Variants in SLX4IP observed in about 807,000 individuals in gnomAD.
The protein encoded by SLX4IP is SLX4 interacting protein.
In SLX4IP, 34 loss-of-function variants were observed where a neutral mutation model predicts 32.9. The observed-to-expected ratio is 1.03, with a 90% CI of 0.79 to 1.38. The LOEUF is 1.38. Ranked by LOEUF, SLX4IP falls within the 40% of genes most tolerant of loss-of-function variation. The pLI is 0.00. For synonymous variants in SLX4IP, 172 were observed against 171.7 expected, an observed-to-expected ratio of 1.00 and a Z score of -0.01; for missense variants, 444 against 479.0, an observed-to-expected ratio of 0.93 and a Z score of 0.68.
chr20:10,472,841 A>G (rs1018117479), intron 2 of SLX4IP, among the ~76,000 whole-genome samples: 41 of 152,180 alleles, frequency 2.7e-4, no homozygotes, highest in Admixed American at 1.6e-3. Context: ...AAAGCCAACA[A>G]TAGTTAAAGA....
intron 2 of SLX4IP, among the ~76,000 whole-genome samples, chr20:10,475,524 C>T (rs140413849): frequency 6.6e-5 from 10 of 152,278 alleles, no homozygotes; most frequent in Admixed American, 2.6e-4. Flanking sequence ...CTTCAGGTTG[C>T]CCATGGCCCT....
intron 2 of SLX4IP, among the ~76,000 whole-genome samples, chr20:10,553,319 CT>C (rs35112296): frequency 0.11 from 16,960 of 152,162 alleles, 1,103 homozygotes; most frequent in South Asian, 0.27. Flanking sequence ...GACCCAATGC[CT>C]TAATAAACAA....
intron 2 of SLX4IP, among the ~76,000 whole-genome samples, chr20:10,540,279 C>T (rs563219876): frequency 4.0e-5 from 6 of 151,852 alleles, no homozygotes; most frequent in South Asian, 4.2e-4. Flanking sequence ...TTTAACAAGC[C>T]GTCCTGGTGA....
At chr20:10,555,774 G>A (rs557038466) in intron 2 of SLX4IP, among the ~76,000 whole-genome samples, 24 of 152,126 alleles carry the variant, frequency 1.6e-4, no homozygotes, top group African/African-American at 5.3e-4. Flanking sequence ...AAAGTGTACC[G>A]TCCTAGCCAA....
chr20:10,565,640 G>A (rs1184365864), intron 4 of SLX4IP, among the ~76,000 whole-genome samples: 1 of 152,186 alleles, frequency 6.6e-6, no homozygotes, highest in Admixed American at 6.5e-5. Context: ...TATAAAATGT[G>A]GAAAGTCATC....
intron 2 of SLX4IP, among the ~76,000 whole-genome samples, chr20:10,523,022 C>G (rs189557427): frequency 6.6e-6 from 1 of 152,114 alleles, no homozygotes; most frequent in Non-Finnish European, 1.5e-5. Flanking sequence ...CTAAGTCTCC[C>G]GGCCCACTAT....
intron 2 of SLX4IP, among the ~76,000 whole-genome samples, chr20:10,492,620 T>G (rs1452237709): frequency 1.2e-4 from 19 of 152,218 alleles, no homozygotes; most frequent in Admixed American, 1.2e-3. Flanking sequence ...TTGTCTCCAG[T>G]GTCTTTGTTG....
At chr20:10,621,582 G>A (rs77178148) in intron 7 of SLX4IP, among the ~76,000 whole-genome samples, 168 bp downstream of exon 7, 3,596 of 152,220 alleles carry the variant, frequency 0.024, 106 homozygotes, top group African/African-American at 0.069. Flanking sequence ...GGACAATAGG[G>A]ATAGAATCCT....
At chr20:10,513,214 G>A (rs71334893) in intron 2 of SLX4IP, among the ~76,000 whole-genome samples, 35 of 152,150 alleles carry the variant, frequency 2.3e-4, no homozygotes, top group Non-Finnish European at 3.7e-4. Flanking sequence ...CCTATCTTAG[G>A]AAACAGCTGC....
chr20:10,505,307 CT>C (rs2065750056), intron 2 of SLX4IP, among the ~76,000 whole-genome samples: 1 of 152,164 alleles, frequency 6.6e-6, no homozygotes, highest in African/African-American at 2.4e-5. Context: ...GATAATTTTT[CT>C]TTCTGTGAGG....
At chr20:10,509,696 ATTTT>A (rs1168309591) in intron 2 of SLX4IP, among the ~76,000 whole-genome samples, 1 of 143,078 alleles carries the variant, frequency 7.0e-6, no homozygotes, top group Admixed American at 7.0e-5. Context: ...TGATGAATAC[ATTTT>A]TTTTTTTTTT....
intron 2 of SLX4IP, among the ~76,000 whole-genome samples, chr20:10,476,052 G>A (rs557283985): frequency 6.6e-6 from 1 of 152,246 alleles, no homozygotes; most frequent in South Asian, 2.1e-4. Flanking sequence ...GATGACGATG[G>A]TCATAATTAA....
intron 2 of SLX4IP, among the ~76,000 whole-genome samples, chr20:10,460,261 A>G (rs1005586321): frequency 2.0e-5 from 3 of 152,226 alleles, no homozygotes; most frequent in Admixed American, 1.3e-4. Context: ...ATCTTTTATT[A>G]CTACTGAGAA....
intron 4 of SLX4IP, among the ~76,000 whole-genome samples, chr20:10,576,091 C>A (rs1439010152): frequency 6.6e-6 from 1 of 152,096 alleles, no homozygotes; most frequent in East Asian, 1.9e-4. Flanking sequence ...TAACATGACA[C>A]CCTAATTATT....
chr20:10,494,675 T>G (rs2065652187), intron 2 of SLX4IP, among the ~76,000 whole-genome samples: 2 of 152,104 alleles, frequency 1.3e-5, no homozygotes, highest in Non-Finnish European at 2.9e-5. Flanking sequence ...TTCTGCTTAA[T>G]TTCTACTTTC....
chr20:10,560,892 T>A, intron 4 of SLX4IP, 72 bp downstream of exon 4: 2 of 1,370,358 alleles, frequency 1.5e-6, no homozygotes, highest in East Asian at 5.2e-5. Context: ...GGCAATTATG[T>A]TTGACTCTGA....
intron 6 of SLX4IP, among the ~76,000 whole-genome samples, chr20:10,602,508 G>T (rs890542616): frequency 6.6e-6 from 1 of 152,206 alleles, no homozygotes; most frequent in Non-Finnish European, 1.5e-5. Flanking sequence ...TTGCACGTGT[G>T]TGTGTTTCCT....
chr20:10,464,137 T>TG (rs1310226795), intron 2 of SLX4IP, among the ~76,000 whole-genome samples: 11 of 152,206 alleles, frequency 7.2e-5, no homozygotes, highest in South Asian at 6.2e-4. Context: ...GAGTGAGAGT[T>TG]GGAGTGAGAG....
intron 2 of SLX4IP, among the ~76,000 whole-genome samples, chr20:10,550,352 T>A (rs1446233808): frequency 6.6e-6 from 1 of 152,206 alleles, no homozygotes; most frequent in Non-Finnish European, 1.5e-5. Flanking sequence ...GACCCATGTA[T>A]GTAAGCTGCC....
Sources: gnomAD v4.1 joint callset for allele counts (sites outside exome capture counted in the v4.1 genomes callset) on GRCh38, gnomAD v4.1.1 for gene constraint, MANE v1.5 for transcripts, NCBI Gene and HGNC (gene_info 2026-07-23, HGNC 2026-07-21) for gene names.